FBXL17: variants seen among roughly 807,000 people sequenced by gnomAD.
FBXL17 encodes F-box/LRR-repeat protein 17.
FBXL17 carries 22 observed loss-of-function variants against 66.2 expected under a neutral mutation model. The observed-to-expected ratio is 0.33, with a 90% CI of 0.24 to 0.47. FBXL17 has a LOEUF of 0.47. FBXL17 is among the 20% of genes least tolerant of loss of function. The pLI is 1.00. For synonymous variants in FBXL17, 474 were observed against 400.5 expected (o/e 1.18, Z -2.19); for missense variants, 878 against 948.2 (o/e 0.93, Z 0.97).
intron 4 of FBXL17, among the ~76,000 whole-genome samples, chr5:108,296,735 TTTA>T (rs1227520261): frequency 2.0e-5 from 3 of 151,770 alleles, no homozygotes; most frequent in Non-Finnish European, 4.4e-5. Flanking sequence ...AATAAGTAGC[TTTA>T]TTAATATCTG....
intron 8 of FBXL17, 35 bp from the exon 9 acceptor site, chr5:107,861,895 G>C (rs201164208): frequency 2.1e-6 from 3 of 1,459,712 alleles, no homozygotes; most frequent in Non-Finnish European, 2.7e-6. Context: ...CACGCACAGA[G>C]ACCACCAACA....
intron 5 of FBXL17, among the ~76,000 whole-genome samples, chr5:108,190,551 A>G (rs1372323583): frequency 6.6e-6 from 1 of 152,200 alleles, no homozygotes; most frequent in African/African-American, 2.4e-5. Context: ...CAATAGTCAC[A>G]TGCTTCCATA....
chr5:108,172,902 G>A (rs985189359), intron 6 of FBXL17, among the ~76,000 whole-genome samples: 2 of 152,138 alleles, frequency 1.3e-5, no homozygotes, highest in Admixed American at 6.5e-5. Context: ...CTGGGTTCAA[G>A]CGATTCTCCT....
intron 6 of FBXL17, among the ~76,000 whole-genome samples, chr5:108,151,547 G>T (rs1478877561): frequency 6.6e-6 from 1 of 152,188 alleles, no homozygotes; most frequent in Admixed American, 6.5e-5. Context: ...CAAATCGGAA[G>T]TCAAGAGGGC....
intron 5 of FBXL17, among the ~76,000 whole-genome samples, chr5:108,186,475 A>C (rs146023377): frequency 7.5e-4 from 113 of 151,498 alleles, no homozygotes; most frequent in Non-Finnish European, 1.3e-3. Flanking sequence ...ACAAACATTA[A>C]AAGAAAGTAG....
chr5:107,874,016 T>G (rs1748538217), intron 8 of FBXL17, among the ~76,000 whole-genome samples: 1 of 152,172 alleles, frequency 6.6e-6, no homozygotes, highest in African/African-American at 2.4e-5. Context: ...GATGTTGATT[T>G]TCCTGAAAAA....
chr5:108,262,848 A>G (rs1425924168), intron 4 of FBXL17, among the ~76,000 whole-genome samples: 1 of 152,206 alleles, frequency 6.6e-6, no homozygotes, highest in Non-Finnish European at 1.5e-5. Flanking sequence ...AGCTCAATTA[A>G]TAGAGGGAAA....
intron 4 of FBXL17, among the ~76,000 whole-genome samples, chr5:108,235,377 G>C (rs1024030170): frequency 6.6e-6 from 1 of 152,118 alleles, no homozygotes; most frequent in Non-Finnish European, 1.5e-5. Flanking sequence ...TGGACCCATC[G>C]TTATACTAGC....
chr5:108,378,949 T>A (rs1309523447), intron 1 of FBXL17, among the ~76,000 whole-genome samples: 2 of 152,200 alleles, frequency 1.3e-5, no homozygotes, highest in Non-Finnish European at 2.9e-5. Context: ...AGACAGAGAA[T>A]CTTTATTAGA....
chr5:107,959,323 T>C (rs1005361953), intron 7 of FBXL17, among the ~76,000 whole-genome samples: 3 of 151,504 alleles, frequency 2.0e-5, no homozygotes, highest in African/African-American at 7.3e-5. Context: ...CTTTTGGTAA[T>C]ACAGAAAACT....
At chr5:108,124,456 T>C (rs893119739) in intron 6 of FBXL17, among the ~76,000 whole-genome samples, 9 of 152,074 alleles carry the variant, frequency 5.9e-5, no homozygotes, top group Admixed American at 2.0e-4. Flanking sequence ...TTATAATTAC[T>C]TAAAATTCTA....
intron 4 of FBXL17, among the ~76,000 whole-genome samples, chr5:108,322,156 C>T (rs1759649136): frequency 1.3e-5 from 2 of 151,904 alleles, no homozygotes; most frequent in Admixed American, 1.3e-4. Context: ...ACGAAAATCA[C>T]AGGGGCCTGT....
intron 1 of FBXL17, among the ~76,000 whole-genome samples, chr5:108,369,854 T>C (rs904840585): frequency 1.3e-5 from 2 of 152,162 alleles, no homozygotes; most frequent in East Asian, 1.9e-4. Context: ...AAAGGAATTA[T>C]TAAATAAGAT....
At chr5:107,982,993 C>G (rs1338964973) in intron 7 of FBXL17, among the ~76,000 whole-genome samples, 2 of 152,116 alleles carry the variant, frequency 1.3e-5, no homozygotes, top group African/African-American at 4.8e-5. Context: ...TCTTAGCAGT[C>G]CATTATCAAG....
At chr5:108,098,492 T>G (rs1749471645) in intron 6 of FBXL17, among the ~76,000 whole-genome samples, 1 of 152,092 alleles carries the variant, frequency 6.6e-6, no homozygotes, top group Admixed American at 6.5e-5. Context: ...ATGCCTATAA[T>G]CCCAGCACTT....
intron 6 of FBXL17, among the ~76,000 whole-genome samples, chr5:108,135,114 C>T (rs1406488740): frequency 6.6e-6 from 1 of 152,072 alleles, no homozygotes; most frequent in African/African-American, 2.4e-5. Flanking sequence ...CTGGGGACAT[C>T]AATCAGGTGG....
chr5:108,024,930 T>C (rs923478085), intron 6 of FBXL17, among the ~76,000 whole-genome samples: 1 of 152,142 alleles, frequency 6.6e-6, no homozygotes. Context: ...AATCATATGA[T>C]TTATGTGAAG....
intron 7 of FBXL17, among the ~76,000 whole-genome samples, chr5:107,965,648 A>G (rs551636196): frequency 1.2e-3 from 183 of 152,268 alleles, no homozygotes; most frequent in African/African-American, 3.9e-3. Context: ...TCCCTCAAAT[A>G]TGTTTTTAAA....
chr5:108,081,882 T>C (rs1748784346), intron 6 of FBXL17, among the ~76,000 whole-genome samples: 1 of 152,116 alleles, frequency 6.6e-6, no homozygotes, highest in Non-Finnish European at 1.5e-5. Context: ...TTCTACTCTC[T>C]CCGAGTAAAT....
Sources: allele counts gnomAD v4.1 joint callset (sites outside exome capture counted in the v4.1 genomes callset), GRCh38; gene constraint gnomAD v4.1.1; transcripts MANE v1.5; gene names NCBI Gene and HGNC (gene_info 2026-07-23, HGNC 2026-07-21).